Variants in ITIH1 observed in about 807,000 individuals in gnomAD.
ITIH1 encodes the protein inter-alpha-trypsin inhibitor heavy chain 1.
ITIH1 carries 94 observed loss-of-function variants against 104.6 expected under a neutral mutation model. The ratio of observed to expected loss-of-function variants is 0.90; its 90% CI spans 0.76 to 1.07. The LOEUF (loss-of-function observed/expected upper bound fraction) is 1.07, where lower values mean the gene tolerates loss of function less well. Ranked by LOEUF, ITIH1 falls within the 50% of genes least tolerant of loss-of-function variation. The pLI, the probability that ITIH1 is intolerant of heterozygous loss-of-function variation, is 0.00. For missense variants in ITIH1, 1,193 were observed against 1,181.4 expected (o/e 1.01, Z -0.14); for synonymous variants, 455 against 464.4 (o/e 0.98, Z 0.26).
At chr3:52,788,182 G>A (rs1306930401) in intron 17 of ITIH1, 50 bp from the exon 18 acceptor site, 1 of 1,524,356 alleles carries the variant, frequency 6.6e-7, no homozygotes, top group Non-Finnish European at 9.1e-7. Flanking sequence ...CCCCTGGCCA[G>A]CCCCATCTGC....
At chr3:52,778,856 T>C in intron 3 of ITIH1, 86 bp from the exon 4 acceptor site, 1 of 1,150,510 alleles carries the variant, frequency 8.7e-7, no homozygotes. Flanking sequence ...GACGTCCTTA[T>C]CCAAGGGCTC....
intron 12 of ITIH1, 152 bp from the exon 13 acceptor site, chr3:52,786,143 G>C (rs963905752): frequency 1.3e-6 from 1 of 755,550 alleles, no homozygotes; most frequent in South Asian, 2.0e-5. Context: ...AAGAATCAAC[G>C]AATAGGATGA....
chr3:52,790,379 T>C (rs1379643724), intron 19 of ITIH1: 1 of 281,374 alleles, frequency 3.6e-6, no homozygotes, highest in Non-Finnish European at 6.8e-6. Flanking sequence ...TCACAGGTGA[T>C]GAGTGGGAGT....
chr3:52,778,034 G>C lies in ITIH1; in HGVS notation c.138+17G>C, dbSNP rs1482639607. 3 of 1,614,062 alleles carry C rather than the reference G, an allele frequency of 1.9e-6. No individual in the cohort carries two copies. The highest frequency in any genetic ancestry group is 2.5e-6 in the Non-Finnish European group (3 of 1,179,914). On this transcript the variant is annotated intron_variant, in intron 2 of 21. Coordinates refer to ENST00000273283, the MANE Select transcript of ITIH1 (RefSeq NM_002215.4). ...GTGGACACCGTGAGTAAGAGTCCTG[G>C]CAAAGGGGTCTGTGACAGAGCCCTT...
rs1420875670 is a variant in ITIH1 at position 52,790,776 on chromosome 3, G to C, written c.2349G>C (p.Arg783Ser). The change falls in exon 20 of 22, where the codon AGG becomes AGC. Residue 783 changes from arginine (R) to serine (S), a missense_variant. Physicochemically the swap from Arg to Ser is moderately radical, Grantham distance 110. Coordinates refer to ENST00000273283, the MANE Select transcript of ITIH1 (RefSeq NM_002215.4). ...DGVVVTINKK[R>S]NLVVSVDDGG... ...TGGTGGTGACCATCAACAAGAAGAG[G>C]AACCTGGTGGTGTCTGTGGACGACG... 1 of 1,612,864 alleles carries C rather than the reference G, an allele frequency of 6.2e-7. No homozygotes were observed. The highest frequency in any genetic ancestry group is 1.1e-5 in the South Asian group (1 of 90,856).
Position 52,784,447 on chromosome 3 carries a change from C to T in ITIH1, c.1377C>T (p.Tyr459=), listed in dbSNP as rs145303032. ...MENNGRAQRI[Y]EDHDATQQLQ... is the part of the protein sequence containing the mutation. ...ACAACGGACGGGCCCAGAGAATCTA[C>T]GAGGACCATGATGCCACCCAGCAGC... is the stretch of plus-strand genomic sequence containing the variant. Residue 459 remains tyrosine (Y), a synonymous_variant, in exon 11 of 22, where the codon TAC becomes TAT. Coordinates refer to ENST00000273283, the MANE Select transcript of ITIH1 (RefSeq NM_002215.4). The T allele has an allele frequency of 9.9e-6, 16 of 1,613,960 alleles. No homozygotes were observed. The Admixed American group carries it at 1.3e-4, about 13-fold the overall frequency.
At chr3:52,791,383 TG>T (rs1699350974) in intron 20 of ITIH1, 133 bp from the exon 21 acceptor site, 3 of 644,354 alleles carry the variant, frequency 4.7e-6, no homozygotes, top group Non-Finnish European at 8.1e-6. Flanking sequence ...ATGCTGGGAC[TG>T]TTAGCAGAAA....
chr3:52,778,848 C>A, intron 3 of ITIH1, 94 bp from the exon 4 acceptor site: 2 of 1,109,882 alleles, frequency 1.8e-6, no homozygotes, highest in Non-Finnish European at 1.4e-6. Context: ...CGTCAGGAGA[C>A]GTCCTTATCC....
intron 12 of ITIH1, among the ~76,000 whole-genome samples, chr3:52,785,981 G>T (rs1278365526): frequency 6.6e-6 from 1 of 152,232 alleles, no homozygotes; most frequent in East Asian, 1.9e-4. Context: ...AGCCCACCTA[G>T]AATTTGGTGG....
intron 6 of ITIH1, among the ~76,000 whole-genome samples, chr3:52,781,333 TCTA>T (rs1699054487): frequency 6.6e-6 from 1 of 150,646 alleles, no homozygotes. Flanking sequence ...TTCTTCTTCT[TCTA>T]TCTTCTCTTC....
Position 52,777,734 on chromosome 3 carries a change from T to C in ITIH1, c.117+2T>C. 6.3e-7 allele frequency: 1 copy of C among 1,576,596 alleles called. No homozygotes were observed. Among genetic ancestry groups the C allele is most frequent in the African/African-American group, 1.4e-5 (1 of 73,758 alleles). On this transcript the variant is annotated splice_donor_variant, in intron 1 of 21. Coordinates refer to ENST00000273283, the MANE Select transcript of ITIH1 (RefSeq NM_002215.4). LOFTEE classifies it high-confidence loss of function. ...ACAGGCAGGTCCAAGAGCAGCGAGG[T>C]ATATGGCTAAGCCCACAGGGCAGAA...
chr3:52,783,133 T>C lies in ITIH1; in HGVS notation c.1099+8T>C, dbSNP rs1699106353. 2 of 1,613,646 alleles carry C rather than the reference T, an allele frequency of 1.2e-6. No homozygotes were observed. Among genetic ancestry groups the C allele is most frequent in the Non-Finnish European group, 1.7e-6 (2 of 1,179,918 alleles). Reference sequence around the variant, plus strand: ...GCTTTTCCCTGGATGAGGGTAAGGGTGGGGGTCTCAGGCAACCTTGATGTC... The same window carrying C: ...GCTTTTCCCTGGATGAGGGTAAGGGCGGGGGTCTCAGGCAACCTTGATGTC... On this transcript the variant is annotated splice_region_variant and intron_variant, in intron 9 of 21. Transcript: ENST00000273283.
chr3:52,786,032 T>C (rs77214248), intron 12 of ITIH1, among the ~76,000 whole-genome samples: 3,543 of 152,266 alleles, frequency 0.023, 137 homozygotes, highest in African/African-American at 0.078. Flanking sequence ...CGGGTGCTTA[T>C]TGGCCTCCCC....
intron 18 of ITIH1, 134 bp from the exon 19 acceptor site, chr3:52,789,519 C>T (rs1699291751): frequency 5.4e-6 from 4 of 738,750 alleles, no homozygotes; most frequent in African/African-American, 1.7e-5. Context: ...ACCTGGAGAC[C>T]CTGAGGCAGG....
chr3:52,787,827 G>A (rs1699240684), intron 16 of ITIH1, 159 bp from the exon 17 acceptor site: 1 of 920,344 alleles, frequency 1.1e-6, no homozygotes, highest in African/African-American at 1.6e-5. Context: ...CTGTCCCCGT[G>A]TCCCGGGAGC....
At chr3:52,783,362 T>C (rs746314580) in intron 10 of ITIH1, 23 bp downstream of exon 10, 1 of 1,611,138 alleles carries the variant, frequency 6.2e-7, no homozygotes, top group South Asian at 1.1e-5. Flanking sequence ...GGGGCTGCCT[T>C]GGGAGGTAGT....
At chr3:52,789,614 G>T (rs1405810407) in intron 18 of ITIH1, 39 bp from the exon 19 acceptor site, 2 of 1,583,536 alleles carry the variant, frequency 1.3e-6, no homozygotes, top group Non-Finnish European at 1.7e-6. Flanking sequence ...AGGCAGGCAG[G>T]CCCCTTCCCA....
rs1169771791 is a variant in ITIH1 at position 52,778,017 on chromosome 3, CGTGA to C, written c.138+3_138+6del. On this transcript the variant is annotated splice_donor_variant and splice_donor_region_variant and intron_variant, in intron 2 of 21. Transcript: ENST00000273283. LOFTEE classifies it high-confidence loss of function. ...TGCAGAAGCGACAGGCTGTGGACAC[CGTGA>C]GTAAGAGTCCTGGCAAAGGGGTCTG... The C allele has an allele frequency of 1.9e-6, 3 of 1,614,072 alleles. No homozygotes were observed. Among genetic ancestry groups the C allele is most frequent in the South Asian group, 1.1e-5 (1 of 91,086 alleles).
In ITIH1 at chr3:52,779,200, C is replaced by G. The variant is rs1559460189; in HGVS notation, c.410+154C>G. 6.6e-6 allele frequency among the ~76,000 whole-genome samples: 1 copy of G among 152,222 alleles called. No individual in the cohort carries two copies. Among genetic ancestry groups the G allele is most frequent in the African/African-American group, 2.4e-5 (1 of 41,456 alleles). On this transcript the variant is annotated intron_variant, in intron 4 of 21. Coordinates refer to ENST00000273283, the MANE Select transcript of ITIH1 (RefSeq NM_002215.4). This position sits in a 1 kb window ranked among gnomAD's most constrained non-coding sequence, Gnocchi z 4.4. ...CCAGATGCCAGCACGGTGCACTGAACAGGCTGCCGTGCAGTTGCCCTTTTC... is the reference window on the plus strand; with the variant it reads ...CCAGATGCCAGCACGGTGCACTGAAGAGGCTGCCGTGCAGTTGCCCTTTTC...
Sources: gnomAD v4.1 joint callset for allele counts (sites outside exome capture counted in the v4.1 genomes callset) on GRCh38, gnomAD v4.1.1 for gene constraint, Gnocchi (gnomAD v3.1) non-coding constraint, MANE v1.5 for transcripts, NCBI Gene and HGNC (gene_info 2026-07-23, HGNC 2026-07-21) for gene names.